The following FAM204A variants were observed in gnomAD, a reference collection of about 807,000 sequenced individuals.
FAM204A encodes protein FAM204A.
In FAM204A, 16 loss-of-function variants were observed where a neutral mutation model predicts 35.4. That is an observed-to-expected ratio of 0.45 (90% CI 0.31 to 0.69). The LOEUF (loss-of-function observed/expected upper bound fraction) is 0.69, where lower values mean the gene tolerates loss of function less well. Ranked by LOEUF, FAM204A falls within the 30% of genes least tolerant of loss-of-function variation. FAM204A has a pLI of 0.07. For synonymous variants in FAM204A, 76 were observed against 86.9 expected (o/e 0.88, Z 0.70); for missense variants, 240 against 265.7 (o/e 0.90, Z 0.67).
rs897434081 is a variant in FAM204A at position 118,335,953 on chromosome 10, A to G, written c.234+229T>C. On this transcript the variant is annotated intron_variant, in intron 3 of 8. Coordinates refer to ENST00000369183, the MANE Select transcript of FAM204A (RefSeq NM_022063.3). ...GCTAGGCAAACAGCTAATACTACAT[A>G]GTGGTTTGGGTTTTTTTTTTTTCCC... 5 of 556,692 alleles carry G rather than the reference A, an allele frequency of 9.0e-6. No homozygotes were observed. In the African/African-American group the frequency reaches 9.5e-5, roughly 11 times the overall value. 34.5% of individuals were successfully genotyped at this position (556,692 alleles called of 1,614,324 possible). A position where few individuals can be genotyped will look rare whatever the true frequency, so the allele number is the denominator to read the frequency against.
chr10:118,332,420 G>C lies in FAM204A; in HGVS notation c.453+2694C>G, dbSNP rs1053051193. 5.3e-5 allele frequency among the ~76,000 whole-genome samples: 8 copies of C among 151,384 alleles called. No homozygotes were observed. The South Asian group carries it at 6.2e-4, about 12-fold the overall frequency. Reference sequence around the variant, plus strand: ...CAATGGTTTACAACTGATACCAGGGGATCTTCATGGTACCACTACAACACT... The same window carrying C: ...CAATGGTTTACAACTGATACCAGGGCATCTTCATGGTACCACTACAACACT... On this transcript the variant is annotated intron_variant, in intron 6 of 8. Transcript: ENST00000369183.
chr10:118,318,265 T>C (rs560736745), intron 7 of FAM204A, among the ~76,000 whole-genome samples: 1 of 152,100 alleles, frequency 6.6e-6, no homozygotes, highest in East Asian at 1.9e-4. Context: ...ACATAAAATA[T>C]ATTTTGCCAG....
chr10:118,336,197 G>A lies in FAM204A; in HGVS notation c.219C>T (p.Pro73=), dbSNP rs1292406091. ...NAYEECPSGI[P]IDMWNKFQEL... is the part of the protein sequence containing the mutation. The stretch of plus-strand genomic sequence containing the variant: ...GAAAACCTACATTCCACATATCTAT[G>A]GGAATTCCAGAAGGACACTCTTCAT... Residue 73 remains proline (P), a synonymous_variant, in exon 3 of 9, where the codon CCC becomes CCT. Coordinates refer to ENST00000369183, the MANE Select transcript of FAM204A (RefSeq NM_022063.3). 3 of 1,613,472 alleles carry A rather than the reference G, an allele frequency of 1.9e-6. No individual in the cohort carries two copies. The highest frequency in any genetic ancestry group is 1.3e-5 in the African/African-American group (1 of 74,972).
At chr10:118,332,813 A>G (rs1846314089) in intron 6 of FAM204A, among the ~76,000 whole-genome samples, 1 of 152,240 alleles carries the variant, frequency 6.6e-6, no homozygotes, top group Non-Finnish European at 1.5e-5. Context: ...AAAAGTATCC[A>G]TTAGGTATAC....
At chr10:118,312,312 G>C (rs1428638723) in intron 7 of FAM204A, among the ~76,000 whole-genome samples, 1 of 152,100 alleles carries the variant, frequency 6.6e-6, no homozygotes, top group Non-Finnish European at 1.5e-5. Context: ...AGGCAGACTT[G>C]TAAAAAAGAA....
intron 7 of FAM204A, among the ~76,000 whole-genome samples, chr10:118,320,034 A>T (rs963788448): frequency 6.6e-6 from 1 of 151,910 alleles, no homozygotes; most frequent in Non-Finnish European, 1.5e-5. Context: ...CAACCTAAGC[A>T]ATAGGTATGA....
intron 7 of FAM204A, among the ~76,000 whole-genome samples, chr10:118,313,356 G>C (rs1017196456): frequency 6.6e-6 from 1 of 152,138 alleles, no homozygotes; most frequent in South Asian, 2.1e-4. Flanking sequence ...GAACAAGAGC[G>C]GGAGGGCCTC....
chr10:118,325,376 A>G (rs1846182221), intron 7 of FAM204A, among the ~76,000 whole-genome samples: 1 of 152,182 alleles, frequency 6.6e-6, no homozygotes, highest in South Asian at 2.1e-4. Context: ...TTACCCAGAT[A>G]ACCCATGATG....
intron 4 of FAM204A, 23 bp downstream of exon 4, chr10:118,335,531 C>T: frequency 6.2e-7 from 1 of 1,606,798 alleles, no homozygotes; most frequent in Non-Finnish European, 8.5e-7. Flanking sequence ...GCACGACGAA[C>T]AACCTGAGTT....
chr10:118,337,880 AT>A (rs1846413391), intron 2 of FAM204A, among the ~76,000 whole-genome samples: 1 of 152,050 alleles, frequency 6.6e-6, no homozygotes, highest in Admixed American at 6.6e-5. Flanking sequence ...CATTTTTATC[AT>A]TTCTATTATG....
At chr10:118,336,458 T>A in intron 2 of FAM204A, 35 bp from the exon 3 acceptor site, 1 of 1,535,014 alleles carries the variant, frequency 6.5e-7, no homozygotes, top group Non-Finnish European at 8.8e-7. Flanking sequence ...ACATGTAGAA[T>A]AACCATAGAA....
rs61865806 is a variant in FAM204A at position 118,305,040 on chromosome 10, A to C, written c.*5817T>G. On this transcript the variant is annotated 3_prime_UTR_variant, in exon 9 of 9. Transcript: ENST00000369183. ...TGTTCCACTTCCAGGCCAGGCCCGT[A>C]ACTTCCCGCCAGTGCTCTTCCATGC... 11 of 152,174 alleles carry C rather than the reference A, an allele frequency of 7.2e-5. No homozygotes were observed. The highest frequency in any genetic ancestry group is 1.5e-4 in the Non-Finnish European group (10 of 68,060). 9.4% of individuals were successfully genotyped at this position (152,174 alleles called of 1,614,324 possible).
At position 118,326,229 on chromosome 10, in the gene FAM204A, C is replaced by T. The variant is rs760987148; in HGVS notation, c.468G>A (p.Lys156=). Residue 156 remains lysine, a synonymous_variant, in exon 7 of 9, where the codon AAG becomes AAA. Transcript: ENST00000369183. ...ACTCCTCCACAGCCTGGTCTATCCTCTTTTCAAGGCCTGACTAGAAAAAAA... is the reference window on the plus strand; with the variant it reads ...ACTCCTCCACAGCCTGGTCTATCCTTTTTTCAAGGCCTGACTAGAAAAAAA... ...RKKVEKSGLE[K]RIDQAVEEWN... 1 of 1,613,442 alleles carries T rather than the reference C, an allele frequency of 6.2e-7. No homozygotes were observed. Among genetic ancestry groups the T allele is most frequent in the Non-Finnish European group, 8.5e-7 (1 of 1,179,730 alleles).
intron 6 of FAM204A, among the ~76,000 whole-genome samples, chr10:118,327,690 G>T (rs1846220800): frequency 6.6e-6 from 1 of 152,152 alleles, no homozygotes. Context: ...TTCAGTCATG[G>T]CCTGTGTACC....
In FAM204A at chr10:118,341,932, T is replaced by C. The variant is rs931213528; in HGVS notation, c.-209-5A>G. On this transcript the variant is annotated splice_polypyrimidine_tract_variant and splice_region_variant and intron_variant, in intron 1 of 8. Transcript: ENST00000369183. ...TGGCAGTCCCATTAACTGGAGCTGT[T>C]TTCCGGAATACAGCAACTGTAAACG... 1 of 152,218 alleles carries C rather than the reference T, an allele frequency of 6.6e-6. No individual in the cohort carries two copies. Among genetic ancestry groups the C allele is most frequent in the Admixed American group, 6.5e-5 (1 of 15,276 alleles). The allele number at this position is 152,218 out of a possible 1,614,324, so 9.4% of individuals were successfully genotyped here.
In FAM204A at chr10:118,335,602, T is replaced by C; in HGVS notation, c.274A>G (p.Ser92Gly). 1.2e-6 allele frequency: 2 copies of C among 1,610,408 alleles called. No individual in the cohort carries two copies. The highest frequency in any genetic ancestry group is 4.5e-5 in the East Asian group (2 of 44,778). The change falls in exon 4 of 9, where the codon AGC (serine) becomes GGC (glycine). Residue 92 changes from serine to glycine, a missense_variant. Around this residue, in one of 2 missense-constraint regions of FAM204A, gnomAD observed 232 missense variants for 242.8 expected, o/e 0.96. Transcript: ENST00000369183. ...TTCCCTCTGAATCTTGAGGTTGTGC[T>C]TTTCTGTTCAGAATGTTTTTTATGC... Reference protein sequence around the residue: ...ELHKKHSEQKSTTSRFRGKRR... With the variant: ...ELHKKHSEQKGTTSRFRGKRR...
At chr10:118,338,912 T>C (rs1424944798) in intron 2 of FAM204A, among the ~76,000 whole-genome samples, 1 of 152,232 alleles carries the variant, frequency 6.6e-6, no homozygotes, top group Non-Finnish European at 1.5e-5. Flanking sequence ...GCATTTTTTA[T>C]GGCTTTTTAA....
chr10:118,299,391 G>GTGTTTTTTT lies in FAM204A; in HGVS notation c.*11465_*11466insAAAAAAACA, dbSNP rs1656434459. The stretch of plus-strand genomic sequence containing the variant: ...ACCTCCTCCTTTCTGCTTCCAGAAG[G>GTGTTTTTTT]TTTTTTTTTTTTTTTTTTTTTTGAG... On this transcript the variant is annotated 3_prime_UTR_variant, in exon 9 of 9. Coordinates refer to ENST00000369183, the MANE Select transcript of FAM204A (RefSeq NM_022063.3). 1.1e-5 allele frequency: 1 copy of GTGTTTTTTT among 90,296 alleles called. No individual in the cohort carries two copies. The highest frequency in any genetic ancestry group is 5.2e-5 in the African/African-American group (1 of 19,226). 5.6% of individuals were successfully genotyped at this position (90,296 alleles called of 1,614,324 possible).
At chr10:118,316,886 T>C (rs915830480) in intron 7 of FAM204A, among the ~76,000 whole-genome samples, 2 of 152,072 alleles carry the variant, frequency 1.3e-5, no homozygotes, top group African/African-American at 4.8e-5. Flanking sequence ...AAGATGATGT[T>C]CTACTGTTGA....
Sources: allele counts gnomAD v4.1 joint callset (sites outside exome capture counted in the v4.1 genomes callset), GRCh38; gene constraint gnomAD v4.1.1; regional missense constraint gnomAD v4.1.1; transcripts MANE v1.5; gene names NCBI Gene and HGNC (gene_info 2026-07-23, HGNC 2026-07-21).